HES2: variants seen among roughly 807,000 people sequenced by gnomAD.
HES2 encodes the protein transcription factor HES-2.
In HES2, 11 loss-of-function variants were observed where a neutral mutation model predicts 11.9. The ratio of observed to expected loss-of-function variants is 0.92; its 90% CI spans 0.58 to 1.53. The LOEUF is 1.53. HES2 is among the 40% of genes most tolerant of loss of function. HES2 has a pLI of 0.00. For synonymous variants in HES2, 125 were observed against 122.8 expected (o/e 1.02, Z -0.12); for missense variants, 260 against 253.8 (o/e 1.02, Z -0.16).
chr1:6,418,716 G>T lies in HES2; in HGVS notation c.*157C>A. ...CCGAGCCCCAGCCCCAGGGCTTTCA[G>T]TCTGCCACGCCAGTCACAAACAGCC... is the stretch of plus-strand genomic sequence containing the variant. On this transcript the variant is annotated 3_prime_UTR_variant, in exon 4 of 4. Coordinates refer to ENST00000377834, the MANE Select transcript of HES2 (RefSeq NM_019089.5). The T allele has an allele frequency of 1.5e-6, 1 of 683,440 alleles. No individual in the cohort carries two copies. The highest frequency in any genetic ancestry group is 2.1e-6 in the Non-Finnish European group (1 of 486,966). The allele number at this position is 683,440 out of a possible 1,614,324, so 42.3% of individuals were successfully genotyped here.
rs765384455 is a variant in HES2, at chr1:6,419,572, C to G, written c.141+35G>C. On this transcript the variant is annotated intron_variant, in intron 2 of 3. Coordinates refer to ENST00000377834, the MANE Select transcript of HES2 (RefSeq NM_019089.5). This position sits in a 1 kb window ranked among gnomAD's most constrained non-coding sequence, Gnocchi z 8.1. Reference sequence around the variant, plus strand: ...CGTCCCCCTGCCCCCGCTCCGCGCCCCAGGACCCTCTGCCCTCCGCCCGGG... The same window carrying G: ...CGTCCCCCTGCCCCCGCTCCGCGCCGCAGGACCCTCTGCCCTCCGCCCGGG... The G allele has an allele frequency of 2.0e-6, 3 of 1,504,130 alleles. No homozygotes were observed. The African/African-American group carries it at 4.3e-5, about 21-fold the overall frequency. 93.2% of individuals were successfully genotyped at this position (1,504,130 alleles called of 1,614,324 possible).
rs775519801 is a variant in HES2, at chr1:6,418,866, C to G, written c.*7G>C. The stretch of plus-strand genomic sequence containing the variant: ...CAGTCGGCAGGGTCTGTGGATCGGC[C>G]GAGGGGCTACCACGGCCGCCAGAGG... On this transcript the variant is annotated 3_prime_UTR_variant, in exon 4 of 4. Coordinates refer to ENST00000377834, the MANE Select transcript of HES2 (RefSeq NM_019089.5). 24 of 1,306,102 alleles carry G rather than the reference C, an allele frequency of 1.8e-5. No homozygotes were observed. The highest frequency in any genetic ancestry group is 2.2e-5 in the Non-Finnish European group (23 of 1,034,410). 80.9% of individuals were successfully genotyped at this position (1,306,102 alleles called of 1,614,324 possible). A position where few individuals can be genotyped will look rare whatever the true frequency, so the allele number is the denominator to read the frequency against.
chr1:6,416,762 G>C lies in HES2; in HGVS notation c.*2111C>G, dbSNP rs1410332229. ...TACTGAGAGTTTTTATGAGGACAAGGGGCCAGTCCTGTGCCTGCCTGATGT... is the reference window on the plus strand; with the variant it reads ...TACTGAGAGTTTTTATGAGGACAAGCGGCCAGTCCTGTGCCTGCCTGATGT... On this transcript the variant is annotated 3_prime_UTR_variant, in exon 4 of 4. Coordinates refer to ENST00000377834, the MANE Select transcript of HES2 (RefSeq NM_019089.5). The C allele has an allele frequency of 6.6e-6, 1 of 152,224 alleles. No homozygotes were observed. Among genetic ancestry groups the C allele is most frequent in the Non-Finnish European group, 1.5e-5 (1 of 68,066 alleles). The allele number at this position is 152,224 out of a possible 1,614,324, so 9.4% of individuals were successfully genotyped here. A position where few individuals can be genotyped will look rare whatever the true frequency, so the allele number is the denominator to read the frequency against.
chr1:6,419,108 C>A lies in HES2; in HGVS notation c.287G>T (p.Arg96Leu), dbSNP rs769715813. 6.6e-7 allele frequency: 1 copy of A among 1,508,386 alleles called. No homozygotes were observed. Among genetic ancestry groups the A allele is most frequent in the South Asian group, 1.2e-5 (1 of 81,420 alleles). The allele number at this position is 1,508,386 out of a possible 1,614,324, so 93.4% of individuals were successfully genotyped here. Residue 96 changes from arginine (R) to leucine (L), a missense_variant, in exon 4 of 4, where the codon CGC (arginine) becomes CTC (leucine). Transcript: ENST00000377834. This position sits in a 1 kb window ranked among gnomAD's most constrained non-coding sequence, Gnocchi z 8.1. ...YREGYSACVARLARVLPACRV... is the reference protein window; with the variant it reads ...YREGYSACVALLARVLPACRV... ...GCAGGCGGGCAGCACGCGGGCCAGG[C>A]GCGCCACACAGGCGCTGTAGCCCTC...
Position 6,419,913 on chromosome 1 carries a change from G to T in HES2, c.-93C>A. The T allele has an allele frequency of 7.2e-7, 1 of 1,387,496 alleles. No individual in the cohort carries two copies. Among genetic ancestry groups the T allele is most frequent in the Non-Finnish European group, 9.3e-7 (1 of 1,071,850 alleles). The allele number at this position is 1,387,496 out of a possible 1,614,324, so 85.9% of individuals were successfully genotyped here. The stretch of plus-strand genomic sequence containing the variant: ...CCGGGCGCGGCCCGGGCTGGTGCCA[G>T]ACGAGTGCGCGCCCCGCCCGCGGCC... On this transcript the variant is annotated 5_prime_UTR_variant, in exon 1 of 4. In the 5' UTR this introduces an upstream ATG that the reference lacks. Coordinates refer to ENST00000377834, the MANE Select transcript of HES2 (RefSeq NM_019089.5). This position sits in a 1 kb window ranked among gnomAD's most constrained non-coding sequence, Gnocchi z 8.1.
At position 6,418,968 on chromosome 1, in the gene HES2, CG is replaced by C. The variant is rs1642879018; in HGVS notation, c.426del (p.Ala143ProfsTer85). The C allele has an allele frequency of 7.4e-7, 1 of 1,346,700 alleles. No homozygotes were observed. The allele number at this position is 1,346,700 out of a possible 1,614,324, so 83.4% of individuals were successfully genotyped here. On this transcript the variant is annotated frameshift_variant, in exon 4 of 4. Transcript: ENST00000377834. LOFTEE classifies it low-confidence loss of function (END_TRUNC). Reference protein sequence around the residue: ...RAGDSSGPSAPAPAPASAPEP... With the variant: ...RAGDSSGPSAXAPAPASAPEP... ...TCTGGGGCAGACGCGGGCGCTGGGG[CG>C]GGGGCAGACGGGCCACTGGAATCCC...
chr1:6,418,721 C>T lies in HES2; in HGVS notation c.*152G>A. 1 of 729,500 alleles carries T rather than the reference C, an allele frequency of 1.4e-6. No individual in the cohort carries two copies. The highest frequency in any genetic ancestry group is 1.8e-5 in the African/African-American group (1 of 54,612). 45.2% of individuals were successfully genotyped at this position (729,500 alleles called of 1,614,324 possible). On this transcript the variant is annotated 3_prime_UTR_variant, in exon 4 of 4. Coordinates refer to ENST00000377834, the MANE Select transcript of HES2 (RefSeq NM_019089.5). ...CCCCAGCCCCAGGGCTTTCAGTCTG[C>T]CACGCCAGTCACAAACAGCCGGCTT...
rs1642880738 is a variant in HES2, at chr1:6,419,065, G to A, written c.330C>T (p.Ala110=). 2.0e-6 allele frequency: 3 copies of A among 1,479,038 alleles called. No individual in the cohort carries two copies. The highest frequency in any genetic ancestry group is 4.8e-5 in the Admixed American group (2 of 41,754). The allele number at this position is 1,479,038 out of a possible 1,614,324, so 91.6% of individuals were successfully genotyped here. A position where few individuals can be genotyped will look rare whatever the true frequency, so the allele number is the denominator to read the frequency against. ...VLPACRVLEP[A]VSARLLEHLW... ...GGTGCTCCAGCAGGCGCGCGCTCAC[G>A]GCGGGCTCCAGGACACGGCAGGCGG... The change falls in exon 4 of 4, where the codon GCC becomes GCT. Residue 110 remains alanine (A), a synonymous_variant. Coordinates refer to ENST00000377834, the MANE Select transcript of HES2 (RefSeq NM_019089.5). The surrounding 1 kb of genome is among the most constrained non-coding windows in gnomAD (Gnocchi z 8.1).
At position 6,418,818 on chromosome 1, in the gene HES2, G is replaced by T. The variant is rs1055767107; in HGVS notation, c.*55C>A. On this transcript the variant is annotated 3_prime_UTR_variant, in exon 4 of 4. Coordinates refer to ENST00000377834, the MANE Select transcript of HES2 (RefSeq NM_019089.5). ...CAGCCGCCACCAAGAGCTTCAACCT[G>T]TCCAGTGCCCCAAGGTCCCAAGCAG... 29 of 1,284,082 alleles carry T rather than the reference G, an allele frequency of 2.3e-5. No homozygotes were observed. The highest frequency in any genetic ancestry group is 2.7e-5 in the Non-Finnish European group (28 of 1,021,252). The allele number at this position is 1,284,082 out of a possible 1,614,324, so 79.5% of individuals were successfully genotyped here. A position where few individuals can be genotyped will look rare whatever the true frequency, so the allele number is the denominator to read the frequency against.
Position 6,416,580 on chromosome 1 carries a change from C to T in HES2, c.*2293G>A, listed in dbSNP as rs2148494584. The T allele has an allele frequency of 6.6e-6, 1 of 152,316 alleles. No individual in the cohort carries two copies. The highest frequency in any genetic ancestry group is 1.5e-5 in the Non-Finnish European group (1 of 68,040). The allele number at this position is 152,316 out of a possible 1,614,324, so 9.4% of individuals were successfully genotyped here. Reference sequence around the variant, plus strand: ...TCACTGGCCCATCTACAATCCTTCTCCCCGTGACTGCTTGAGTTGTAGCTT... The same window carrying T: ...TCACTGGCCCATCTACAATCCTTCTTCCCGTGACTGCTTGAGTTGTAGCTT... On this transcript the variant is annotated 3_prime_UTR_variant, in exon 4 of 4. Transcript: ENST00000377834.
rs1312712303 is a variant in HES2, at chr1:6,415,727, A to G, written c.*3146T>C. 6.6e-6 allele frequency: 1 copy of G among 152,266 alleles called. No homozygotes were observed. Among genetic ancestry groups the G allele is most frequent in the Non-Finnish European group, 1.5e-5 (1 of 68,072 alleles). 9.4% of individuals were successfully genotyped at this position (152,266 alleles called of 1,614,324 possible). ...ATTTCAGCACAGATGGGTTCCCAGC[A>G]GCTTAGTGCTCTGGCTGTCCTTAGG... On this transcript the variant is annotated 3_prime_UTR_variant, in exon 4 of 4. Transcript: ENST00000377834.
chr1:6,418,762 G>T lies in HES2; in HGVS notation c.*111C>A. 1 of 1,093,460 alleles carries T rather than the reference G, an allele frequency of 9.1e-7. No individual in the cohort carries two copies. The highest frequency in any genetic ancestry group is 1.2e-6 in the Non-Finnish European group (1 of 858,382). The allele number at this position is 1,093,460 out of a possible 1,614,324, so 67.7% of individuals were successfully genotyped here. The stretch of plus-strand genomic sequence containing the variant: ...CAGCCGGCTTCCGGCCTGGGTGTGG[G>T]TACTGGGCTGGCCCCTAATGATGGG... On this transcript the variant is annotated 3_prime_UTR_variant, in exon 4 of 4. Coordinates refer to ENST00000377834, the MANE Select transcript of HES2 (RefSeq NM_019089.5).
In HES2 at chr1:6,419,875, C is replaced by G; in HGVS notation, c.-55G>C. On this transcript the variant is annotated 5_prime_UTR_variant, in exon 1 of 4. Coordinates refer to ENST00000377834, the MANE Select transcript of HES2 (RefSeq NM_019089.5). This position sits in a 1 kb window ranked among gnomAD's most constrained non-coding sequence, Gnocchi z 8.1. ...GCCCCACGCAAAGGGAAACCGAGGTCCGAAATGAGGTCCCGGGCGCGGCCC... is the reference window on the plus strand; with the variant it reads ...GCCCCACGCAAAGGGAAACCGAGGTGCGAAATGAGGTCCCGGGCGCGGCCC... The G allele has an allele frequency of 6.7e-7, 1 of 1,492,500 alleles. No individual in the cohort carries two copies. The highest frequency in any genetic ancestry group is 2.2e-5 in the Admixed American group (1 of 44,460). 92.5% of individuals were successfully genotyped at this position (1,492,500 alleles called of 1,614,324 possible).
In HES2 at chr1:6,419,698, A is replaced by G. The variant is rs2148495572; in HGVS notation, c.50T>C (p.Leu17Pro). The G allele has an allele frequency of 1.3e-6, 2 of 1,555,180 alleles. No homozygotes were observed. The highest frequency in any genetic ancestry group is 1.4e-5 in the African/African-American group (1 of 73,032). Residue 17 changes from leucine to proline, a missense_variant, in exon 2 of 4, where the codon CTG (leucine) becomes CCG (proline). Leu to Pro is a moderately conservative substitution (Grantham distance 98). Transcript: ENST00000377834. This position sits in a 1 kb window ranked among gnomAD's most constrained non-coding sequence, Gnocchi z 8.1. The stretch of plus-strand genomic sequence containing the variant: ...CCGGCGCTTCTCCAGCAGCGGCTTC[A>G]GGCTCTGCGGACGGGCGGCGCGGTG... ...AGDAAELRKS[L>P]KPLLEKRRRA...
At position 6,418,963 on chromosome 1, in the gene HES2, TG is replaced by T; in HGVS notation, c.431del (p.Pro144GlnfsTer84). The T allele has an allele frequency of 7.5e-7, 1 of 1,340,196 alleles. No individual in the cohort carries two copies. The highest frequency in any genetic ancestry group is 9.5e-7 in the Non-Finnish European group (1 of 1,054,874). The allele number at this position is 1,340,196 out of a possible 1,614,324, so 83.0% of individuals were successfully genotyped here. ...CGGGCTCTGGGGCAGACGCGGGCGC[TG>T]GGGCGGGGGCAGACGGGCCACTGGA... The part of the protein sequence containing the change: ...GDSSGPSAPA[P>X]APASAPEPAS... On this transcript the variant is annotated frameshift_variant, in exon 4 of 4. Coordinates refer to ENST00000377834, the MANE Select transcript of HES2 (RefSeq NM_019089.5). LOFTEE classifies it low-confidence loss of function (END_TRUNC).
chr1:6,419,611 C>A lies in HES2; in HGVS notation c.137G>T (p.Arg46Leu), dbSNP rs1642888741. The change falls in exon 2 of 4, where the codon CGG (arginine) becomes CTG (leucine). Residue 46 changes from arginine (R) to leucine (L), a missense_variant. Arg to Leu is a moderately radical substitution (Grantham distance 102, BLOSUM62 -2). Coordinates refer to ENST00000377834, the MANE Select transcript of HES2 (RefSeq NM_019089.5). This position sits in a 1 kb window ranked among gnomAD's most constrained non-coding sequence, Gnocchi z 8.1. ...CCTCCGCCCGGGCGCGCTCACCTCC[C>A]GGCCCAGCAGCGGCAGGATGAGCCC... ...LKGLILPLLG[R>L]ENSNCSKLEK... 2 of 1,536,024 alleles carry A rather than the reference C, an allele frequency of 1.3e-6. No individual in the cohort carries two copies. Among genetic ancestry groups the A allele is most frequent in the South Asian group, 1.2e-5 (1 of 83,310 alleles).
rs1205795441 is a variant in HES2 at position 6,419,662 on chromosome 1, A to T, written c.86T>A (p.Ile29Asn). The change falls in exon 2 of 4, where the codon ATC (isoleucine) becomes AAC (asparagine). Residue 29 changes from isoleucine to asparagine, a missense_variant. Ile to Asn is a moderately radical substitution (Grantham distance 149). Coordinates refer to ENST00000377834, the MANE Select transcript of HES2 (RefSeq NM_019089.5). This position sits in a 1 kb window ranked among gnomAD's most constrained non-coding sequence, Gnocchi z 8.1. ...PLLEKRRRARINQSLSQLKGL... is the reference protein window; with the variant it reads ...PLLEKRRRARNNQSLSQLKGL... ...CTTAAGCTGGCTCAGGCTCTGGTTG[A>T]TGCGCGCGCGCCGGCGCTTCTCCAG... is the stretch of plus-strand genomic sequence containing the variant. The T allele has an allele frequency of 6.4e-7, 1 of 1,555,426 alleles. No individual in the cohort carries two copies. Among genetic ancestry groups the T allele is most frequent in the Non-Finnish European group, 8.7e-7 (1 of 1,153,756 alleles).
chr1:6,419,500 G>T lies in HES2; in HGVS notation c.141+107C>A. ...GCCCACCCCACCCAGGCTCCGCCTC[G>T]GGCGCCGCGCGGAACCCCCTGGTGG... On this transcript the variant is annotated intron_variant, in intron 2 of 3. Coordinates refer to ENST00000377834, the MANE Select transcript of HES2 (RefSeq NM_019089.5). This position sits in a 1 kb window ranked among gnomAD's most constrained non-coding sequence, Gnocchi z 8.1. 1 of 1,222,886 alleles carries T rather than the reference G, an allele frequency of 8.2e-7. No homozygotes were observed. The highest frequency in any genetic ancestry group is 1.1e-6 in the Non-Finnish European group (1 of 904,102). The allele number at this position is 1,222,886 out of a possible 1,614,324, so 75.8% of individuals were successfully genotyped here. A position where few individuals can be genotyped will look rare whatever the true frequency, so the allele number is the denominator to read the frequency against.
chr1:6,419,613 G>A lies in HES2; in HGVS notation c.135C>T (p.Gly45=). The A allele has an allele frequency of 6.5e-7, 1 of 1,536,754 alleles. No individual in the cohort carries two copies. The highest frequency in any genetic ancestry group is 8.7e-7 in the Non-Finnish European group (1 of 1,145,018). Residue 45 remains glycine (G), a synonymous_variant, in exon 2 of 4, where the codon GGC becomes GGT. Coordinates refer to ENST00000377834, the MANE Select transcript of HES2 (RefSeq NM_019089.5). The surrounding 1 kb of genome is among the most constrained non-coding windows in gnomAD (Gnocchi z 8.1). ...QLKGLILPLL[G]RENSNCSKLE... is the part of the protein sequence containing the mutation. ...TCCGCCCGGGCGCGCTCACCTCCCG[G>A]CCCAGCAGCGGCAGGATGAGCCCCT...
Sources: gnomAD v4.1 joint callset for allele counts on GRCh38, gnomAD v4.1.1 for gene constraint, Gnocchi (gnomAD v3.1) non-coding constraint, MANE v1.5 for transcripts, NCBI Gene and HGNC (gene_info 2026-07-23, HGNC 2026-07-21) for gene names.